RIN2: variants seen among roughly 807,000 people sequenced by gnomAD.
The protein encoded by RIN2 is RAB5 interacting protein 2.
RIN2 carries 36 observed loss-of-function variants against 78.0 expected under a neutral mutation model. The observed-to-expected ratio is 0.46, with a 90% confidence interval of 0.35 to 0.61. RIN2 has a LOEUF of 0.61. RIN2 is among the 20% of genes least tolerant of loss of function. The pLI, the probability that RIN2 is intolerant of heterozygous loss-of-function variation, is 0.00. For synonymous variants in RIN2, 466 were observed against 466.8 expected (o/e 1.00, Z 0.02); for missense variants, 1,087 against 1,159.7 (o/e 0.94, Z 0.91).
chr20:19,998,242 A>G (rs567686021), intron 12 of RIN2, among the ~76,000 whole-genome samples: 170 of 152,032 alleles, frequency 1.1e-3, no homozygotes, highest in Non-Finnish European at 2.0e-3. Context: ...TCAGCTTCCC[A>G]AAGTGCTGGG....
At chr20:19,918,353 T>TTGTGTGTGTGTG (rs3059683) in intron 3 of RIN2, among the ~76,000 whole-genome samples, 9 of 147,110 alleles carry the variant, frequency 6.1e-5, no homozygotes, top group African/African-American at 2.2e-4. Flanking sequence ...TACAAATACA[T>TTGTGTGTGTGTG]TGTGTGTGTG....
At chr20:19,824,567 A>G (rs6081757) in intron 2 of RIN2, among the ~76,000 whole-genome samples, 40,264 of 151,854 alleles carry the variant, frequency 0.27, 6,431 homozygotes, top group Middle Eastern at 0.42. Flanking sequence ...GTAATTTCAT[A>G]TCCTTTCTCC....
chr20:19,861,877 A>G (rs1164885012), intron 2 of RIN2, among the ~76,000 whole-genome samples: 1 of 147,902 alleles, frequency 6.8e-6, no homozygotes, highest in African/African-American at 2.5e-5. Context: ...CAACCTCCAT[A>G]CCTGATGATC....
At chr20:19,858,211 C>T (rs2037226143) in intron 2 of RIN2, among the ~76,000 whole-genome samples, 1 of 152,106 alleles carries the variant, frequency 6.6e-6, no homozygotes, top group Non-Finnish European at 1.5e-5. Context: ...CTTACAACCC[C>T]TGTTTCTTTT....
intron 1 of RIN2, among the ~76,000 whole-genome samples, chr20:19,783,380 T>C (rs1337828663): frequency 1.3e-5 from 2 of 152,180 alleles, no homozygotes; most frequent in Non-Finnish European, 2.9e-5. Context: ...CAGGGTTCTC[T>C]GCAAACTCTC....
chr20:19,808,519 T>C (rs1253789183), intron 2 of RIN2, among the ~76,000 whole-genome samples: 3 of 152,222 alleles, frequency 2.0e-5, no homozygotes, highest in Non-Finnish European at 4.4e-5. Context: ...GTAATGTCAT[T>C]TTCTATTTGC....
intron 6 of RIN2, among the ~76,000 whole-genome samples, chr20:19,964,538 G>A (rs372742498): frequency 1.3e-5 from 2 of 152,152 alleles, no homozygotes; most frequent in Non-Finnish European, 2.9e-5. Context: ...AAAAGGAGTG[G>A]CCAGGGAAGT....
chr20:19,935,364 A>T, intron 4 of RIN2, 165 bp downstream of exon 4: 1 of 1,282,506 alleles, frequency 7.8e-7, no homozygotes, highest in Non-Finnish European at 1.0e-6. Flanking sequence ...CCTAGGAACT[A>T]GTTGTCTGCT....
At chr20:19,780,466 C>G (rs62200331) in intron 1 of RIN2, among the ~76,000 whole-genome samples, 2 of 151,764 alleles carry the variant, frequency 1.3e-5, no homozygotes, top group Non-Finnish European at 2.9e-5. Flanking sequence ...AGATGTCACA[C>G]GCCCTGCTAC....
At chr20:19,853,048 A>AAC (rs2037040991) in intron 2 of RIN2, among the ~76,000 whole-genome samples, 1 of 103,058 alleles carries the variant, frequency 9.7e-6, no homozygotes, top group South Asian at 3.6e-4. Context: ...CCACCCCATG[A>AAC]CAGGCCCCAG....
intron 2 of RIN2, among the ~76,000 whole-genome samples, chr20:19,876,085 T>C (rs1305909505): frequency 1.3e-5 from 2 of 152,202 alleles, no homozygotes; most frequent in African/African-American, 4.8e-5. Flanking sequence ...CACTGGAAGC[T>C]AAATTTCAGA....
At chr20:19,801,421 C>T (rs1233995540) in intron 2 of RIN2, among the ~76,000 whole-genome samples, 3 of 151,978 alleles carry the variant, frequency 2.0e-5, no homozygotes, top group Non-Finnish European at 2.9e-5. Flanking sequence ...TTCGGGTTCA[C>T]GCCATTCTCC....
At chr20:19,900,763 C>G (rs1326128739) in intron 3 of RIN2, among the ~76,000 whole-genome samples, 2 of 151,764 alleles carry the variant, frequency 1.3e-5, no homozygotes, top group South Asian at 2.1e-4. Flanking sequence ...CCAGCCTGAT[C>G]AACATGGATA....
At chr20:19,832,176 T>C (rs1355981786) in intron 2 of RIN2, among the ~76,000 whole-genome samples, 2 of 151,500 alleles carry the variant, frequency 1.3e-5, no homozygotes, top group African/African-American at 2.4e-5. Flanking sequence ...TCTAAGCCAG[T>C]GGCTGAGCCC....
chr20:19,823,613 T>C, intron 2 of RIN2: 1 of 1,543,922 alleles, frequency 6.5e-7, no homozygotes, highest in Non-Finnish European at 8.8e-7. Context: ...CGAGCAATGT[T>C]GACGATCTCA....
intron 4 of RIN2, among the ~76,000 whole-genome samples, chr20:19,949,898 T>A (rs376816625): frequency 3.3e-5 from 5 of 152,340 alleles, no homozygotes; most frequent in Admixed American, 1.3e-4. Flanking sequence ...ATTCTGGCAA[T>A]GTTAGTAAAA....
chr20:19,906,133 C>G (rs760228627), intron 3 of RIN2, among the ~76,000 whole-genome samples: 1 of 152,228 alleles, frequency 6.6e-6, no homozygotes, highest in Non-Finnish European at 1.5e-5. Context: ...CTACTTGCCT[C>G]ATACATACAG....
intron 2 of RIN2, among the ~76,000 whole-genome samples, chr20:19,807,171 G>A (rs1411373545): frequency 6.6e-6 from 1 of 152,188 alleles, no homozygotes; most frequent in East Asian, 1.9e-4. Context: ...GCTTGGAATC[G>A]GCACACTGAC....
At chr20:19,864,588 A>G (rs966504825) in intron 2 of RIN2, among the ~76,000 whole-genome samples, 1 of 152,202 alleles carries the variant, frequency 6.6e-6, no homozygotes, top group Non-Finnish European at 1.5e-5. Flanking sequence ...TGATCATTTA[A>G]AAGTTTAAAA....
Sources: allele counts gnomAD v4.1 joint callset (sites outside exome capture counted in the v4.1 genomes callset), GRCh38; gene constraint gnomAD v4.1.1; transcripts MANE v1.5; gene names NCBI Gene and HGNC (gene_info 2026-07-23, HGNC 2026-07-21).